Variants in PTPRO observed in about 807,000 individuals in gnomAD.
The protein encoded by PTPRO is protein tyrosine phosphatase receptor type O.
PTPRO carries 62 observed loss-of-function variants against 145.2 expected under a neutral mutation model. The ratio of observed to expected loss-of-function variants is 0.43; its 90% CI spans 0.35 to 0.53. PTPRO has a LOEUF of 0.53. Ranked by LOEUF, PTPRO falls within the 20% of genes least tolerant of loss-of-function variation. The pLI, the probability that PTPRO is intolerant of heterozygous loss-of-function variation, is 0.01. For missense variants in PTPRO, 1,345 were observed against 1,482.7 expected (o/e 0.91, Z 1.53); for synonymous variants, 565 against 514.7 (o/e 1.10, Z -1.32).
At chr12:15,402,992 A>G (rs1004886022) in intron 1 of PTPRO, among the ~76,000 whole-genome samples, 1 of 152,196 alleles carries the variant, frequency 6.6e-6, no homozygotes, top group Non-Finnish European at 1.5e-5. Context: ...GACAATTTAA[A>G]TCTTGAGCTT....
chr12:15,351,711 G>A (rs180934043), intron 1 of PTPRO, among the ~76,000 whole-genome samples: 188 of 152,234 alleles, frequency 1.2e-3, no homozygotes, highest in Non-Finnish European at 2.0e-3. Context: ...TTCCCACTAT[G>A]AACAAAAAAT....
In PTPRO at chr12:15,488,614, A is replaced by G. The variant is rs575771629; in HGVS notation, c.349+4367A>G. ...AAGAGTACCTTTATAGCAGTCATTT[A>G]TTGTGTGTTAGATGCTTGTCTTGAT... On this transcript the variant is annotated intron_variant, in intron 2 of 26. Coordinates refer to ENST00000281171, the MANE Select transcript of PTPRO (RefSeq NM_030667.3). Among the ~76,000 whole-genome samples the G allele has an allele frequency of 1.2e-4, 18 of 152,286 alleles. 1 individual carries two copies. Among genetic ancestry groups the G allele is most frequent in the African/African-American group, 4.3e-4 (18 of 41,568 alleles).
In PTPRO at chr12:15,443,406, A is replaced by T. The variant is rs1300479302; in HGVS notation, c.76-40568A>T. Among the ~76,000 whole-genome samples, 7 of 152,328 alleles carry T rather than the reference A, an allele frequency of 4.6e-5. No homozygotes were observed. The East Asian group carries it at 1.3e-3, about 29-fold the overall frequency. On this transcript the variant is annotated intron_variant, in intron 1 of 26. Transcript: ENST00000281171. ...CAAACTATAAGAATTCTAGAAGAAAACCTAGGAAACACCAATCTGGACATC... is the reference window on the plus strand; with the variant it reads ...CAAACTATAAGAATTCTAGAAGAAATCCTAGGAAACACCAATCTGGACATC...
At position 15,359,174 on chromosome 12, in the gene PTPRO, C is replaced by G. The variant is rs1013107566; in HGVS notation, c.75+36373C>G. Among the ~76,000 whole-genome samples the G allele has an allele frequency of 7.9e-5, 12 of 152,284 alleles. No homozygotes were observed. The East Asian group carries it at 2.3e-3, about 29-fold the overall frequency. ...ACCTGCTGTTTCTAAAAGAGTACCTCACTTTGTAGACCACTAAATGCAAAT... is the reference window on the plus strand; with the variant it reads ...ACCTGCTGTTTCTAAAAGAGTACCTGACTTTGTAGACCACTAAATGCAAAT... On this transcript the variant is annotated intron_variant, in intron 1 of 26. Transcript: ENST00000281171.
chr12:15,370,891 A>G lies in PTPRO; in HGVS notation c.75+48090A>G, dbSNP rs530897163. Among the ~76,000 whole-genome samples, 4 of 152,348 alleles carry G rather than the reference A, an allele frequency of 2.6e-5. No individual in the cohort carries two copies. In the South Asian group the frequency reaches 8.3e-4, roughly 32 times the overall value. The stretch of plus-strand genomic sequence containing the variant: ...GGATATCAAAAGACTAAAACAGCTT[A>G]AATTTCCAACAATCAGAGATTGTAA... On this transcript the variant is annotated intron_variant, in intron 1 of 26. Coordinates refer to ENST00000281171, the MANE Select transcript of PTPRO (RefSeq NM_030667.3).
chr12:15,417,144 C>T (rs886196480), intron 1 of PTPRO, among the ~76,000 whole-genome samples: 2 of 151,460 alleles, frequency 1.3e-5, no homozygotes, highest in African/African-American at 4.9e-5. Context: ...CAAAGGTGCC[C>T]GGCACATGGT....
intron 1 of PTPRO, among the ~76,000 whole-genome samples, chr12:15,446,028 A>AT (rs893714987): frequency 1.3e-5 from 2 of 152,104 alleles, no homozygotes; most frequent in Non-Finnish European, 2.9e-5. Context: ...CAATATATGG[A>AT]TTTTTTAAAC....
chr12:15,419,184 A>C (rs1940064391), intron 1 of PTPRO, among the ~76,000 whole-genome samples: 1 of 149,132 alleles, frequency 6.7e-6, no homozygotes, highest in Non-Finnish European at 1.5e-5. Context: ...TATTGAAATA[A>C]GCCACCTTTT....
rs1565563517 is a variant in PTPRO, at chr12:15,322,821, CCTT to C, written c.75+21_75+23del. ...TTCAAGGTAGGGGAGCTCCTCCACC[CCTT>C]TTTCCCAGCGGTCCGGGCGGCAGCC... On this transcript the variant is annotated intron_variant, in intron 1 of 26. Coordinates refer to ENST00000281171, the MANE Select transcript of PTPRO (RefSeq NM_030667.3). The surrounding 1 kb of genome is among the most constrained non-coding windows in gnomAD (Gnocchi z 6.3). 1.9e-6 allele frequency: 3 copies of C among 1,608,602 alleles called. No individual in the cohort carries two copies. In the Admixed American group the frequency reaches 5.0e-5, roughly 27 times the overall value.
At chr12:15,563,267 T>C (rs1943819896) in intron 17 of PTPRO, among the ~76,000 whole-genome samples, 1 of 152,116 alleles carries the variant, frequency 6.6e-6, no homozygotes, top group African/African-American at 2.4e-5. Flanking sequence ...TCTTTTGCAA[T>C]GAAAAGGCGA....
intron 2 of PTPRO, among the ~76,000 whole-genome samples, chr12:15,487,440 A>G (rs1194906006): frequency 6.6e-6 from 1 of 152,178 alleles, no homozygotes; most frequent in Non-Finnish European, 1.5e-5. Flanking sequence ...CCTGAGAACT[A>G]GAAAGGAAAG....
intron 6 of PTPRO, among the ~76,000 whole-genome samples, chr12:15,507,131 G>A (rs574954060): frequency 6.6e-6 from 1 of 152,132 alleles, no homozygotes; most frequent in Admixed American, 6.6e-5. Context: ...AAGTTAAAGG[G>A]GCCAGGCACG....
At chr12:15,579,650 G>A (rs906049897) in intron 20 of PTPRO, among the ~76,000 whole-genome samples, 7 of 152,168 alleles carry the variant, frequency 4.6e-5, no homozygotes, top group African/African-American at 1.7e-4. Context: ...TGCATCTTCT[G>A]TTCTCTAGGT....
At chr12:15,585,727 A>C (rs1211807668) in intron 23 of PTPRO, among the ~76,000 whole-genome samples, 1 of 152,148 alleles carries the variant, frequency 6.6e-6, no homozygotes, top group East Asian at 1.9e-4. Context: ...AGTGAATTCT[A>C]GGCTCTTCAC....
intron 24 of PTPRO, 88 bp downstream of exon 24, chr12:15,587,139 T>C: frequency 6.9e-7 from 1 of 1,439,386 alleles, no homozygotes; most frequent in Admixed American, 1.8e-5. Flanking sequence ...CCTTATCAGG[T>C]TTAGTTGAAA....
At chr12:15,411,733 C>A (rs1343619659) in intron 1 of PTPRO, among the ~76,000 whole-genome samples, 1 of 152,156 alleles carries the variant, frequency 6.6e-6, no homozygotes, top group African/African-American at 2.4e-5. Context: ...TTAAATTGGG[C>A]GACAGAAATA....
intron 1 of PTPRO, among the ~76,000 whole-genome samples, chr12:15,371,893 G>T (rs865844296): frequency 1.3e-5 from 2 of 152,048 alleles, no homozygotes; most frequent in Non-Finnish European, 2.9e-5. Context: ...TGTGAAGAAG[G>T]TGCCTTATTT....
intron 1 of PTPRO, among the ~76,000 whole-genome samples, chr12:15,412,513 A>C (rs1939827948): frequency 6.6e-6 from 1 of 152,214 alleles, no homozygotes; most frequent in African/African-American, 2.4e-5. Context: ...ACATTTCTGC[A>C]ACTTCTCATT....
intron 10 of PTPRO, among the ~76,000 whole-genome samples, chr12:15,522,645 A>G (rs1296332785): frequency 1.3e-5 from 2 of 152,222 alleles, no homozygotes; most frequent in Non-Finnish European, 2.9e-5. Flanking sequence ...GAAAATAGGA[A>G]CAAAATATTT....
Sources: gnomAD v4.1 joint callset for allele counts (sites outside exome capture counted in the v4.1 genomes callset) on GRCh38, gnomAD v4.1.1 for gene constraint, Gnocchi (gnomAD v3.1) non-coding constraint, MANE v1.5 for transcripts, NCBI Gene and HGNC (gene_info 2026-07-23, HGNC 2026-07-21) for gene names.